Variants in NDST4 observed in about 807,000 individuals in gnomAD.
NDST4 encodes the protein N-deacetylase and N-sulfotransferase 4, also known as N-heparan sulfate sulfotransferase 4.
A neutral mutation model predicts 100.8 loss-of-function variants in NDST4; 63 were observed. The observed-to-expected ratio is 0.62, with a 90% CI of 0.51 to 0.77. The LOEUF (loss-of-function observed/expected upper bound fraction) is 0.77. Among genes scored for constraint, NDST4 ranks in the 30% least tolerant of loss-of-function variants. The pLI is 0.00. For synonymous variants in NDST4, 377 were observed against 361.8 expected (o/e 1.04, Z -0.48); for missense variants, 943 against 1,018.4 (o/e 0.93, Z 1.01).
At chr4:114,991,604 T>C (rs763877663) in intron 2 of NDST4, among the ~76,000 whole-genome samples, 3 of 152,188 alleles carry the variant, frequency 2.0e-5, no homozygotes, top group Admixed American at 1.3e-4. Flanking sequence ...TATTCACATT[T>C]GCAGGCAATG....
chr4:115,001,637 T>A, intron 2 of NDST4, among the ~76,000 whole-genome samples: 1 of 151,954 alleles, frequency 6.6e-6, no homozygotes, highest in South Asian at 2.1e-4. Context: ...TAATATAATA[T>A]ACTATATATA....
At chr4:114,975,689 C>G (rs1726617145) in intron 3 of NDST4, among the ~76,000 whole-genome samples, 1 of 152,028 alleles carries the variant, frequency 6.6e-6, no homozygotes, top group Non-Finnish European at 1.5e-5. Flanking sequence ...ATACTTCAGC[C>G]AAAAGAATGA....
intron 6 of NDST4, among the ~76,000 whole-genome samples, chr4:114,879,646 A>G (rs1277975364): frequency 6.6e-6 from 1 of 152,162 alleles, no homozygotes; most frequent in Non-Finnish European, 1.5e-5. Context: ...AATGAGTAGT[A>G]AAATACCTGG....
intron 2 of NDST4, among the ~76,000 whole-genome samples, chr4:115,003,546 A>G (rs1007833861): frequency 2.6e-5 from 4 of 152,156 alleles, no homozygotes; most frequent in Middle Eastern, 3.2e-3. Flanking sequence ...TTTTAAGAAT[A>G]AATTTAAAGA....
At chr4:115,013,871 A>G (rs1727615571) in intron 2 of NDST4, among the ~76,000 whole-genome samples, 3 of 152,028 alleles carry the variant, frequency 2.0e-5, no homozygotes, top group African/African-American at 7.2e-5. Context: ...GCATTCCTGG[A>G]GGAATTGCAG....
rs140071514 is a variant in NDST4 at position 114,874,990 on chromosome 4, G to C, written c.1537-4040C>G. On this transcript the variant is annotated intron_variant, in intron 6 of 13. Transcript: ENST00000264363. The stretch of plus-strand genomic sequence containing the variant: ...AAATGGTTTATATATACAACCCACT[G>C]AACCTTGAAATATTGCAGCTCAGAG... 8.0e-3 allele frequency among the ~76,000 whole-genome samples: 1,224 copies of C among 152,234 alleles called. 9 individuals carry two copies. The highest frequency in any genetic ancestry group is 0.011 in the South Asian group (51 of 4,820).
intron 10 of NDST4, among the ~76,000 whole-genome samples, chr4:114,845,459 A>G (rs536013280): frequency 1.5e-3 from 232 of 152,254 alleles, no homozygotes; most frequent in African/African-American, 5.5e-3. Context: ...ATTAACTTGG[A>G]CGAAACTTTT....
intron 6 of NDST4, among the ~76,000 whole-genome samples, chr4:114,924,776 A>G (rs1725355772): frequency 1.3e-5 from 2 of 152,156 alleles, no homozygotes. Flanking sequence ...TGCTTGAAAA[A>G]TTTGTAGGGT....
chr4:114,943,018 A>T (rs982354704), intron 4 of NDST4, among the ~76,000 whole-genome samples: 1 of 147,220 alleles, frequency 6.8e-6, no homozygotes, highest in African/African-American at 2.5e-5. Context: ...TACATATATT[A>T]TATAATATAA....
rs780506720 is a variant in NDST4 at position 114,977,176 on chromosome 4, C to T, written c.1066+11G>A. The T allele has an allele frequency of 3.2e-5, 50 of 1,553,220 alleles. No individual in the cohort carries two copies. Among genetic ancestry groups the T allele is most frequent in the Non-Finnish European group, 2.2e-5 (25 of 1,132,392 alleles). On this transcript the variant is annotated intron_variant, in intron 3 of 13. Coordinates refer to ENST00000264363, the MANE Select transcript of NDST4 (RefSeq NM_022569.3). The stretch of plus-strand genomic sequence containing the variant: ...TATGTAGCTGCCTGAGAACACAAAG[C>T]TCCTTCTTACCTGTGTGGTAAAACT...
chr4:115,019,567 T>C lies in NDST4; in HGVS notation c.979-42293A>G, dbSNP rs148725494. ...TCAGTATGTACGAGGCCTAGCCTCC[T>C]GGAGAATGTCATGAAACTTATGAAG... On this transcript the variant is annotated intron_variant, in intron 2 of 13. Coordinates refer to ENST00000264363, the MANE Select transcript of NDST4 (RefSeq NM_022569.3). Among the ~76,000 whole-genome samples, 516 of 152,256 alleles carry C rather than the reference T, an allele frequency of 3.4e-3. 3 individuals are homozygous for C. The highest frequency in any genetic ancestry group is 4.0e-3 in the Non-Finnish European group (273 of 67,994).
chr4:114,873,246 T>A (rs1410676876), intron 6 of NDST4, among the ~76,000 whole-genome samples: 1 of 151,600 alleles, frequency 6.6e-6, no homozygotes, highest in African/African-American at 2.4e-5. Context: ...ACTATAGATA[T>A]TTTAAAAATA....
At position 115,076,837 on chromosome 4, in the gene NDST4, G is replaced by C; in HGVS notation, c.200C>G (p.Thr67Arg). 1 of 1,613,814 alleles carries C rather than the reference G, an allele frequency of 6.2e-7. No individual in the cohort carries two copies. Among genetic ancestry groups the C allele is most frequent in the Non-Finnish European group, 8.5e-7 (1 of 1,179,878 alleles). The change falls in exon 2 of 14, where the codon ACA (threonine) becomes AGA (arginine). Residue 67 changes from threonine (T) to arginine (R), a missense_variant. By Grantham distance (71) the Thr-to-Arg change is moderately conservative. Around this residue, in one of 2 missense-constraint regions of NDST4, gnomAD observed 417 missense variants for 384.2 expected, o/e 1.09. Coordinates refer to ENST00000264363, the MANE Select transcript of NDST4 (RefSeq NM_022569.3). ...TTTGGATGTGTCAATAGGTTTAACT[G>C]TTTTCAGCTCCATTGACCTATATGG... ...ILPYRSMELK[T>R]VKPIDTSKTD... is the part of the protein sequence containing the mutation.
intron 2 of NDST4, among the ~76,000 whole-genome samples, chr4:115,062,702 TA>T (rs982132201): frequency 1.3e-5 from 2 of 151,406 alleles, no homozygotes; most frequent in East Asian, 1.9e-4. Context: ...GCAAACTACA[TA>T]AAAAAGAAAT....
Position 114,830,036 on chromosome 4 carries a change from T to C in NDST4, c.2397-144A>G, listed in dbSNP as rs1578330465. ...TTTACAGATATTTATTTAGCTGATT[T>C]GAGAGAGGCTAACTGAGATGAAAGA... is the stretch of plus-strand genomic sequence containing the variant. On this transcript the variant is annotated intron_variant, in intron 12 of 13. Transcript: ENST00000264363. 5 of 639,800 alleles carry C rather than the reference T, an allele frequency of 7.8e-6. No individual in the cohort carries two copies. In the East Asian group the frequency reaches 1.2e-4, roughly 15 times the overall value. The allele number at this position is 639,800 out of a possible 1,614,324, so 39.6% of individuals were successfully genotyped here.
intron 3 of NDST4, among the ~76,000 whole-genome samples, chr4:114,971,885 AGTT>A (rs1203903308): frequency 6.6e-6 from 1 of 152,048 alleles, no homozygotes; most frequent in African/African-American, 2.4e-5. Context: ...ATCTTGGACA[AGTT>A]AACCTCTCTA....
intron 6 of NDST4, among the ~76,000 whole-genome samples, chr4:114,926,328 T>A (rs957982709): frequency 2.0e-5 from 3 of 152,046 alleles, no homozygotes; most frequent in African/African-American, 7.2e-5. Flanking sequence ...TTGGGCAAAG[T>A]AAGTTGGTAT....
intron 5 of NDST4, 36 bp downstream of exon 5, chr4:114,937,282 T>G: frequency 1.2e-6 from 2 of 1,607,774 alleles, no homozygotes; most frequent in Non-Finnish European, 1.7e-6. Flanking sequence ...ATGTAAATAT[T>G]AACATCCTTC....
intron 8 of NDST4, among the ~76,000 whole-genome samples, chr4:114,848,884 T>C (rs1237692141): frequency 6.6e-6 from 1 of 152,134 alleles, no homozygotes; most frequent in Non-Finnish European, 1.5e-5. Context: ...AGTACACAAG[T>C]AATTGTGATG....
Sources: allele counts gnomAD v4.1 joint callset (sites outside exome capture counted in the v4.1 genomes callset), GRCh38; gene constraint gnomAD v4.1.1; regional missense constraint gnomAD v4.1.1; transcripts MANE v1.5; gene names NCBI Gene and HGNC (gene_info 2026-07-23, HGNC 2026-07-21).